Variants in CTNNBL1 observed in about 807,000 individuals in gnomAD.
CTNNBL1 encodes the protein catenin beta like 1, also known as beta-catenin-like protein 1.
A neutral mutation model predicts 72.7 loss-of-function variants in CTNNBL1; 31 were observed. The ratio of observed to expected loss-of-function variants is 0.43; its 90% CI spans 0.32 to 0.58. CTNNBL1 has a LOEUF of 0.58. Among genes scored for constraint, CTNNBL1 ranks in the 20% least tolerant of loss-of-function variants. The pLI is 0.08. For missense variants in CTNNBL1, 534 were observed against 725.1 expected, an observed-to-expected ratio of 0.74 and a Z score of 3.03; for synonymous variants, 240 against 267.3, an observed-to-expected ratio of 0.90 and a Z score of 1.00.
intron 10 of CTNNBL1, among the ~76,000 whole-genome samples, chr20:37,800,993 A>T (rs2073819512): frequency 6.6e-6 from 1 of 152,120 alleles, no homozygotes; most frequent in African/African-American, 2.4e-5. Context: ...TTCCTTAATA[A>T]CTGAATCTAA....
chr20:37,730,814 A>G (rs1401902067), intron 1 of CTNNBL1, among the ~76,000 whole-genome samples: 1 of 152,166 alleles, frequency 6.6e-6, no homozygotes, highest in Non-Finnish European at 1.5e-5. Flanking sequence ...TCATCTCTAA[A>G]AAGTAAACAA....
At chr20:37,734,426 T>A (rs1478472222) in intron 2 of CTNNBL1, among the ~76,000 whole-genome samples, 4 of 152,172 alleles carry the variant, frequency 2.6e-5, no homozygotes. Flanking sequence ...TTCTGCTCAA[T>A]CTGTTAGCCC....
intron 1 of CTNNBL1, among the ~76,000 whole-genome samples, chr20:37,724,385 A>T (rs527585240): frequency 6.6e-6 from 1 of 152,242 alleles, no homozygotes; most frequent in African/African-American, 2.4e-5. Flanking sequence ...TTTAAATGTG[A>T]GCGAGACTAG....
At chr20:37,706,743 A>G (rs2072889157) in intron 1 of CTNNBL1, among the ~76,000 whole-genome samples, 1 of 152,250 alleles carries the variant, frequency 6.6e-6, no homozygotes, top group Admixed American at 6.5e-5. Context: ...ATCTAGAATG[A>G]TAAATCTTTT....
At position 37,694,039 on chromosome 20, in the gene CTNNBL1, G is replaced by A; in HGVS notation, c.-84G>A. ...TGCGGCTCCGCTCGCCGCACTTTAC[G>A]GCAGTGTGGCTGGAGCCGCGGCTGA... On this transcript the variant is annotated 5_prime_UTR_variant, in exon 1 of 16. Coordinates refer to ENST00000361383, the MANE Select transcript of CTNNBL1 (RefSeq NM_030877.5). 3 of 1,475,702 alleles carry A rather than the reference G, an allele frequency of 2.0e-6. No individual in the cohort carries two copies. Among genetic ancestry groups the A allele is most frequent in the Middle Eastern group, 1.8e-4 (1 of 5,568 alleles). 91.4% of individuals were successfully genotyped at this position (1,475,702 alleles called of 1,614,324 possible).
intron 13 of CTNNBL1, among the ~76,000 whole-genome samples, chr20:37,856,427 C>T (rs1266615490): frequency 6.6e-6 from 1 of 151,914 alleles, no homozygotes; most frequent in Non-Finnish European, 1.5e-5. Context: ...TCGGGGTTCT[C>T]AGGGAACATT....
chr20:37,852,271 C>T (rs2072403138), intron 13 of CTNNBL1, among the ~76,000 whole-genome samples: 1 of 152,236 alleles, frequency 6.6e-6, no homozygotes, highest in Non-Finnish European at 1.5e-5. Flanking sequence ...AAGGAAGTTA[C>T]TGGATTCTTG....
intron 11 of CTNNBL1, among the ~76,000 whole-genome samples, chr20:37,835,495 CTGAG>C (rs1389407547): frequency 1.3e-5 from 2 of 152,168 alleles, no homozygotes; most frequent in African/African-American, 4.8e-5. Flanking sequence ...AATATGCAAT[CTGAG>C]TGAGGATATG....
intron 1 of CTNNBL1, among the ~76,000 whole-genome samples, chr20:37,716,909 A>ATCTCGGCTCACTGCAG (rs2072991132): frequency 6.6e-6 from 1 of 152,246 alleles, no homozygotes; most frequent in African/African-American, 2.4e-5. Flanking sequence ...ATACATTTTA[A>ATCTCGGCTCACTGCAG]GCTTTTGAAG....
At chr20:37,717,964 T>C (rs1218645674) in intron 1 of CTNNBL1, among the ~76,000 whole-genome samples, 3 of 152,216 alleles carry the variant, frequency 2.0e-5, no homozygotes. Flanking sequence ...CAGAAGAATT[T>C]TTCTTAGTAC....
intron 15 of CTNNBL1, 88 bp downstream of exon 15, chr20:37,860,432 T>C: frequency 9.1e-7 from 1 of 1,094,942 alleles, no homozygotes; most frequent in Non-Finnish European, 1.4e-6. Flanking sequence ...TGGTATTTGA[T>C]GTGGAGCGTT....
At chr20:37,848,044 C>T (rs983644468) in intron 13 of CTNNBL1, among the ~76,000 whole-genome samples, 2 of 151,426 alleles carry the variant, frequency 1.3e-5, no homozygotes, top group African/African-American at 4.9e-5. Flanking sequence ...TGAAACTGTG[C>T]GGCTGCCATC....
At chr20:37,780,128 C>CTGT (rs2073613685) in intron 10 of CTNNBL1, among the ~76,000 whole-genome samples, 1 of 149,284 alleles carries the variant, frequency 6.7e-6, no homozygotes, top group African/African-American at 2.5e-5. Context: ...GAATTGTGCC[C>CTGT]TACAGAGGAG....
rs546866992 is a variant in CTNNBL1, at chr20:37,846,435, C to A, written c.1392+4016C>A. Among the ~76,000 whole-genome samples, 6 of 152,190 alleles carry A rather than the reference C, an allele frequency of 3.9e-5. No homozygotes were observed. The South Asian group carries it at 1.2e-3, about 32-fold the overall frequency. ...GAACTGCCCTATCCTTATTTTCTTT[C>A]TGGATGGTGTTTGTTTTGTGTTTAA... On this transcript the variant is annotated intron_variant, in intron 13 of 15. Coordinates refer to ENST00000361383, the MANE Select transcript of CTNNBL1 (RefSeq NM_030877.5).
intron 10 of CTNNBL1, among the ~76,000 whole-genome samples, chr20:37,785,803 C>G (rs2073668103): frequency 2.6e-5 from 4 of 152,132 alleles, no homozygotes; most frequent in Admixed American, 2.6e-4. Context: ...GCTTATGGAT[C>G]TTTGTCGGTG....
intron 4 of CTNNBL1, among the ~76,000 whole-genome samples, chr20:37,753,631 T>C (rs1450944265): frequency 6.6e-6 from 1 of 152,214 alleles, no homozygotes; most frequent in African/African-American, 2.4e-5. Flanking sequence ...TTAGAGGCTT[T>C]TGGAAAAATG....
chr20:37,695,858 G>A (rs915017077), intron 1 of CTNNBL1, among the ~76,000 whole-genome samples: 2 of 152,176 alleles, frequency 1.3e-5, no homozygotes, highest in African/African-American at 4.8e-5. Context: ...GTAAATATTA[G>A]CAGTTATTTT....
At chr20:37,727,364 G>T (rs945489901) in intron 1 of CTNNBL1, 33 of 984,696 alleles carry the variant, frequency 3.4e-5, no homozygotes, top group Non-Finnish European at 3.7e-5. Flanking sequence ...GCGAGTAAAG[G>T]CATCTATCTA....
At chr20:37,750,844 T>C (rs2073313250) in intron 4 of CTNNBL1, 1 of 152,114 alleles carries the variant, frequency 6.6e-6, no homozygotes. Context: ...GCAAAAACTC[T>C]CAAATTACCA....
Sources: gnomAD v4.1 joint callset for allele counts (sites outside exome capture counted in the v4.1 genomes callset) on GRCh38, gnomAD v4.1.1 for gene constraint, MANE v1.5 for transcripts, NCBI Gene and HGNC (gene_info 2026-07-23, HGNC 2026-07-21) for gene names.